The following CENPT variants were observed in gnomAD, a reference collection of about 807,000 sequenced individuals.
CENPT encodes the protein centromere protein T.
In CENPT, 42 loss-of-function variants were observed where a neutral mutation model predicts 59.7. That is an observed-to-expected ratio of 0.70 (90% CI 0.55 to 0.91). The LOEUF is 0.91. CENPT is among the 40% of genes least tolerant of loss of function. The pLI, the probability that CENPT is intolerant of heterozygous loss-of-function variation, is 0.00. For synonymous variants in CENPT, 295 were observed against 289.6 expected, an observed-to-expected ratio of 1.02 and a Z score of -0.19; for missense variants, 716 against 713.4, an observed-to-expected ratio of 1.00 and a Z score of -0.04.
Position 67,832,251 on chromosome 16 carries a change from A to G in CENPT, c.266T>C (p.Leu89Pro), listed in dbSNP as rs554029684. Residue 89 changes from leucine (L) to proline (P), a missense_variant, in exon 6 of 16, where the codon CTG becomes CCG. Leu to Pro is a moderately conservative substitution (Grantham distance 98, BLOSUM62 -3). Coordinates refer to ENST00000562787, the MANE Select transcript of CENPT (RefSeq NM_025082.4). The stretch of plus-strand genomic sequence containing the variant: ...ACCAGTTAGTAGGATGTTCTTCAGC[A>G]GCGTCCGAGGTGTCTGTTCCTCCAA... ...GHLEEQTPRT[L>P]LKNILLTAPE... 6.2e-7 allele frequency: 1 copy of G among 1,614,224 alleles called. No individual in the cohort carries two copies. Among genetic ancestry groups the G allele is most frequent in the South Asian group, 1.1e-5 (1 of 91,088 alleles).
At chr16:67,846,140 G>A (rs2057796655) in intron 1 of CENPT, among the ~76,000 whole-genome samples, 1 of 152,258 alleles carries the variant, frequency 6.6e-6, no homozygotes, top group Non-Finnish European at 1.5e-5. Context: ...GCAATGGGTA[G>A]GAAGAGAACT....
Position 67,842,902 on chromosome 16 carries a change from A to AGCAG in CENPT, c.-492+4498_-492+4499insCTGC. On this transcript the variant is annotated intron_variant, in intron 1 of 15. Transcript: ENST00000562787. The surrounding 1 kb of genome is among the most constrained non-coding windows in gnomAD (Gnocchi z 4.9). ...AGCAGCAGCAGCAGCAACAGCAGCAACAGCAGCAGCAGCAGCAACAGCAGC... is the reference window on the plus strand; with the variant it reads ...AGCAGCAGCAGCAGCAACAGCAGCAAGCAGCAGCAGCAGCAGCAGCAACAGCAGC... 6.3e-7 allele frequency: 1 copy of AGCAG among 1,583,140 alleles called. No homozygotes were observed. The highest frequency in any genetic ancestry group is 2.3e-5 in the East Asian group (1 of 44,058).
chr16:67,828,784 G>T lies in CENPT; in HGVS notation c.1340C>A (p.Thr447Asn), dbSNP rs1955144062. Residue 447 changes from threonine (T) to asparagine (N), a missense_variant, in exon 14 of 16, where the codon ACC becomes AAC. Coordinates refer to ENST00000562787, the MANE Select transcript of CENPT (RefSeq NM_025082.4). ...GGGATCTTGCCGGGGCCTGGGGCCG[G>T]TGGTCCGGGGCCTAGGGGGATGCCT... ...LVRHPPRPRT[T>N]GPRPRQDPHK... 4 of 1,608,578 alleles carry T rather than the reference G, an allele frequency of 2.5e-6. No individual in the cohort carries two copies. The Admixed American group carries it at 6.9e-5, about 28-fold the overall frequency.
chr16:67,847,344 C>T (rs1267406161), intron 1 of CENPT, 57 bp downstream of exon 1: 4 of 152,470 alleles, frequency 2.6e-5, no homozygotes, highest in Non-Finnish European at 5.9e-5. Flanking sequence ...GCGCGAGCCC[C>T]GCAAGCTCTG....
At position 67,828,680 on chromosome 16, in the gene CENPT, T is replaced by A; in HGVS notation, c.1444A>T (p.Met482Leu). The change falls in exon 14 of 16, where the codon ATG becomes TTG. Residue 482 changes from methionine (M) to leucine (L), a missense_variant. Transcript: ENST00000562787. ...KMPMERKALE[M>L]VEKCLDKYFQ... ...CCCAGGACTCACCACTTCTCCACCA[T>A]CTCAAGAGCCTTCCTCTCCATGGGC... 6.2e-7 allele frequency: 1 copy of A among 1,614,138 alleles called. No homozygotes were observed. The highest frequency in any genetic ancestry group is 8.5e-7 in the Non-Finnish European group (1 of 1,180,028).
At chr16:67,828,450 C>A (rs576076385) in intron 15 of CENPT, 24 bp downstream of exon 15, 11 of 1,614,164 alleles carry the variant, frequency 6.8e-6, no homozygotes, top group African/African-American at 1.3e-5. Flanking sequence ...CCAGCCAGCA[C>A]CCCCACACCT....
intron 12 of CENPT, 96 bp downstream of exon 12, chr16:67,829,669 C>A: frequency 1.4e-6 from 2 of 1,410,140 alleles, no homozygotes; most frequent in South Asian, 1.3e-5. Context: ...CCCCTACCAC[C>A]ACCAGTGCCC....
In CENPT at chr16:67,828,541, C is replaced by T. The variant is rs1242507205; in HGVS notation, c.1495G>A (p.Glu499Lys). The T allele has an allele frequency of 6.2e-7, 1 of 1,614,218 alleles. No individual in the cohort carries two copies. The highest frequency in any genetic ancestry group is 1.7e-5 in the Admixed American group (1 of 60,030). ...CGGCCAGCATGAGCAGCAAATACCT[C>T]CAGATCATCACAAAGATGCTGGAAA... ...KYFQHLCDDL[E>K]VFAAHAGRKT... The change falls in exon 15 of 16, where the codon GAG becomes AAG. Residue 499 changes from glutamate to lysine, a missense_variant. By Grantham distance (56) the Glu-to-Lys change is moderately conservative. Transcript: ENST00000562787.
At chr16:67,846,119 GA>G (rs2057796475) in intron 1 of CENPT, among the ~76,000 whole-genome samples, 1 of 152,250 alleles carries the variant, frequency 6.6e-6, no homozygotes, top group Non-Finnish European at 1.5e-5. Context: ...AATGGGCGTT[GA>G]AAGGAAAGGG....
chr16:67,831,857 G>C lies in CENPT; in HGVS notation c.420C>G (p.Pro140=), dbSNP rs562051979. Residue 140 remains proline, a synonymous_variant, in exon 8 of 16, where the codon CCC becomes CCG. Coordinates refer to ENST00000562787, the MANE Select transcript of CENPT (RefSeq NM_025082.4). ...CCAGCAGACCTGGAGCCAGGGTTGT[G>C]GGGGGCTCGAGCTCAGGAAGTTGCA... ...LELQLPELEP[P]TTLAPGLLAP... is the part of the protein sequence containing the mutation. 21 of 1,611,374 alleles carry C rather than the reference G, an allele frequency of 1.3e-5. No individual in the cohort carries two copies. In the South Asian group the frequency reaches 2.1e-4, roughly 16 times the overall value.
In CENPT at chr16:67,833,853, C is replaced by G. The variant is rs1016808801; in HGVS notation, c.7G>C (p.Asp3His). Residue 3 changes from aspartate (D) to histidine (H), a missense_variant, in exon 4 of 16, where the codon GAC becomes CAC. By Grantham distance (81) the Asp-to-His change is moderately conservative. Coordinates refer to ENST00000562787, the MANE Select transcript of CENPT (RefSeq NM_025082.4). MA[D>H]HNPDSDSTPR... ...GTGGAGTCGCTGTCAGGGTTGTGGT[C>G]AGCCATCGTCTCGGCCCCGGGCCCT... 6.5e-7 allele frequency: 1 copy of G among 1,544,108 alleles called. No homozygotes were observed. The highest frequency in any genetic ancestry group is 8.7e-7 in the Non-Finnish European group (1 of 1,148,130).
chr16:67,829,269 G>C, intron 13 of CENPT, 154 bp downstream of exon 13: 1 of 586,888 alleles, frequency 1.7e-6, no homozygotes, highest in Non-Finnish European at 2.9e-6. Flanking sequence ...AGGATGGCAG[G>C]GGTGCTCTTG....
At chr16:67,832,797 TCA>T (rs1428313394) in intron 4 of CENPT, among the ~76,000 whole-genome samples, 1 of 152,128 alleles carries the variant, frequency 6.6e-6, no homozygotes, top group Non-Finnish European at 1.5e-5. Flanking sequence ...GGGAAAGGCT[TCA>T]CAGAGGTGAC....
rs941224431 is a variant in CENPT, at chr16:67,831,265, G to A, written c.654C>T (p.Asp218=). 9.9e-6 allele frequency: 16 copies of A among 1,614,024 alleles called. No individual in the cohort carries two copies. Among genetic ancestry groups the A allele is most frequent in the Middle Eastern group, 1.6e-4 (1 of 6,082 alleles). ...GCAGATCCCGCAAAAAGGCACCCAC[G>A]TCTACAGCTCGGCGGGCTGGAGGTC... ...ARRPPARRAV[D]VGAFLRDLRD... The change falls in exon 10 of 16, where the codon GAC becomes GAT. Residue 218 remains aspartate (D), a synonymous_variant. Coordinates refer to ENST00000562787, the MANE Select transcript of CENPT (RefSeq NM_025082.4).
chr16:67,840,589 C>CG (rs770474945), intron 1 of CENPT, among the ~76,000 whole-genome samples: 2 of 102,252 alleles, frequency 2.0e-5, no homozygotes, highest in Non-Finnish European at 3.8e-5. Flanking sequence ...GGTCTAATTG[C>CG]GGGGGGCGGG....
Position 67,842,944 on chromosome 16 carries a change from G to GCAA in CENPT, c.-492+4456_-492+4457insTTG, listed in dbSNP as rs1390299528. 1 of 1,610,426 alleles carries GCAA rather than the reference G, an allele frequency of 6.2e-7. No homozygotes were observed. Among genetic ancestry groups the GCAA allele is most frequent in the East Asian group, 2.2e-5 (1 of 44,878 alleles). On this transcript the variant is annotated intron_variant, in intron 1 of 15. Transcript: ENST00000562787. The surrounding 1 kb of genome is among the most constrained non-coding windows in gnomAD (Gnocchi z 4.9). ...AACAGCAGCAGCAGCAGCAGCAGCA[G>GCAA]CAGCAGTCCTCACCCTCTGCCTCCA...
At chr16:67,828,958 G>T in intron 13 of CENPT, 115 bp from the exon 14 acceptor site, 2 of 1,146,288 alleles carry the variant, frequency 1.7e-6, no homozygotes, top group Non-Finnish European at 2.4e-6. Context: ...TGGCCAGCCA[G>T]GACCAGCAGC....
Position 67,831,767 on chromosome 16 carries a change from C to G in CENPT, c.510G>C (p.Leu170=), listed in dbSNP as rs566246287. 1.1e-4 allele frequency: 173 copies of G among 1,579,706 alleles called. No individual in the cohort carries two copies. The highest frequency in any genetic ancestry group is 1.4e-4 in the Non-Finnish European group (168 of 1,163,736). The change falls in exon 8 of 16, where the codon CTG becomes CTC. Residue 170 remains leucine, a synonymous_variant. Transcript: ENST00000562787. ...CCAGGGCCTCACCTTGGGAGAGAGA[C>G]AGCCCCTGGTCCACTCCCTGCTGAA... The part of the protein sequence containing the change: ...SVFQQGVDQG[L]SLSQEPQGNA...
At position 67,831,369 on chromosome 16, in the gene CENPT, G is replaced by C; in HGVS notation, c.561-11C>G. 6.2e-7 allele frequency: 1 copy of C among 1,611,200 alleles called. No homozygotes were observed. Among genetic ancestry groups the C allele is most frequent in the Non-Finnish European group, 8.5e-7 (1 of 1,177,968 alleles). On this transcript the variant is annotated splice_polypyrimidine_tract_variant and intron_variant, in intron 9 of 15. Transcript: ENST00000562787. ...GTCAGGTTGAGGGATCTGGTGAGGT[G>C]GGGAGGCACAGAGGAAAGTCAGGTA...
Sources: gnomAD v4.1 joint callset for allele counts (sites outside exome capture counted in the v4.1 genomes callset) on GRCh38, gnomAD v4.1.1 for gene constraint, Gnocchi (gnomAD v3.1) non-coding constraint, MANE v1.5 for transcripts, NCBI Gene and HGNC (gene_info 2026-07-23, HGNC 2026-07-21) for gene names.